DIP2C: variants seen among roughly 807,000 people sequenced by gnomAD.
DIP2C encodes the protein disco-interacting protein 2 homolog C.
DIP2C carries 33 observed loss-of-function variants against 192.4 expected under a neutral mutation model. That is an observed-to-expected ratio of 0.17 (90% CI 0.13 to 0.23). The LOEUF (loss-of-function observed/expected upper bound fraction) is 0.23. DIP2C is among the 10% of genes least tolerant of loss of function. DIP2C has a pLI of 1.00. For missense variants in DIP2C, 1,537 were observed against 2,110.1 expected, an observed-to-expected ratio of 0.73 and a Z score of 5.32; for synonymous variants, 979 against 864.1, an observed-to-expected ratio of 1.13 and a Z score of -2.33.
chr10:556,808 G>T (rs1848900583), intron 1 of DIP2C, among the ~76,000 whole-genome samples: 1 of 152,192 alleles, frequency 6.6e-6, no homozygotes, highest in Non-Finnish European at 1.5e-5. Flanking sequence ...ACAAGTGTGT[G>T]CCTTGAGTCA....
chr10:360,033 T>C (rs1959254530), intron 22 of DIP2C, among the ~76,000 whole-genome samples: 6 of 152,166 alleles, frequency 3.9e-5, no homozygotes, highest in Admixed American at 3.3e-4. Flanking sequence ...TCCCGTAATG[T>C]TTTTAAGAAT....
intron 1 of DIP2C, among the ~76,000 whole-genome samples, chr10:548,653 G>T (rs1848431058): frequency 6.6e-6 from 1 of 151,370 alleles, no homozygotes; most frequent in Admixed American, 6.6e-5. Flanking sequence ...GTGGCCAGAG[G>T]TGATGTGGCC....
At chr10:622,661 C>G (rs1413352288) in intron 1 of DIP2C, among the ~76,000 whole-genome samples, 1 of 152,186 alleles carries the variant, frequency 6.6e-6, no homozygotes, top group Non-Finnish European at 1.5e-5. Context: ...GTCCATTTGA[C>G]TAAATACCCG....
chr10:348,007 G>A (rs115418961), intron 26 of DIP2C, among the ~76,000 whole-genome samples: 1,555 of 123,460 alleles, frequency 0.013, 28 homozygotes, highest in African/African-American at 0.047. Flanking sequence ...TAGCTCTCCC[G>A]GAAACCCCAG....
chr10:346,760 C>A (rs1958496217), intron 26 of DIP2C, among the ~76,000 whole-genome samples: 1 of 126,434 alleles, frequency 7.9e-6, no homozygotes, highest in African/African-American at 3.4e-5. Context: ...GCATAGTTCT[C>A]CCGGAAACGT....
intron 4 of DIP2C, among the ~76,000 whole-genome samples, chr10:434,740 T>C (rs1244115977): frequency 2.6e-5 from 4 of 152,190 alleles, no homozygotes; most frequent in Admixed American, 2.0e-4. Flanking sequence ...TTTCACAGGG[T>C]ATAGACTTCT....
intron 1 of DIP2C, among the ~76,000 whole-genome samples, chr10:530,776 CAAT>C: frequency 6.6e-6 from 1 of 151,884 alleles, no homozygotes; most frequent in Non-Finnish European, 1.5e-5. Flanking sequence ...TCTGTGGCTA[CAAT>C]GAGGCCCAGA....
chr10:657,874 T>A (rs1480879275), intron 1 of DIP2C, among the ~76,000 whole-genome samples: 3 of 89,030 alleles, frequency 3.4e-5, no homozygotes, highest in South Asian at 4.0e-4. Context: ...GCTGGACCTG[T>A]CCCTGGACCT....
intron 29 of DIP2C, among the ~76,000 whole-genome samples, chr10:338,140 G>C (rs1957960743): frequency 6.6e-6 from 1 of 152,134 alleles, no homozygotes; most frequent in South Asian, 2.1e-4. Flanking sequence ...TGTATAATGT[G>C]TTTGTGTTAT....
intron 1 of DIP2C, among the ~76,000 whole-genome samples, chr10:554,532 T>C (rs1848743395): frequency 6.6e-6 from 1 of 152,200 alleles, no homozygotes; most frequent in Non-Finnish European, 1.5e-5. Context: ...TCACAAAACC[T>C]TGGGCTGTGA....
At chr10:351,788 C>T (rs569695062) in intron 24 of DIP2C, among the ~76,000 whole-genome samples, 10 of 152,138 alleles carry the variant, frequency 6.6e-5, no homozygotes, top group Non-Finnish European at 1.2e-4. Context: ...GGCTCCTTGC[C>T]ACCTGTTCAC....
rs922672674 is a variant in DIP2C, at chr10:619,510, A to G, written c.85+69984T>C. Among the ~76,000 whole-genome samples, 13 of 127,774 alleles carry G rather than the reference A, an allele frequency of 1.0e-4. No individual in the cohort carries two copies. In the East Asian group the frequency reaches 2.2e-3, roughly 22 times the overall value. The allele number at this position is 127,774 out of a possible 152,430, so 83.8% of individuals were successfully genotyped here. ...GCAGAATATCGGGAGCACAGGCTTTATGCCAGGGCCAGGACCAAGCCCGCC... is the reference window on the plus strand; with the variant it reads ...GCAGAATATCGGGAGCACAGGCTTTGTGCCAGGGCCAGGACCAAGCCCGCC... On this transcript the variant is annotated intron_variant, in intron 1 of 36. Transcript: ENST00000280886.
chr10:343,332 C>T (rs1235812706), intron 28 of DIP2C, among the ~76,000 whole-genome samples: 1 of 152,164 alleles, frequency 6.6e-6, no homozygotes, highest in Non-Finnish European at 1.5e-5. Context: ...TAGAATGTCA[C>T]CAGAGCTAAA....
At chr10:641,017 G>A (rs150573556) in intron 1 of DIP2C, among the ~76,000 whole-genome samples, 57 of 152,138 alleles carry the variant, frequency 3.7e-4, no homozygotes, top group African/African-American at 1.3e-3. Context: ...AATCAACAAC[G>A]TTAACCCCAT....
intron 1 of DIP2C, among the ~76,000 whole-genome samples, chr10:503,334 A>G (rs1336069060): frequency 6.6e-6 from 1 of 152,260 alleles, no homozygotes; most frequent in Non-Finnish European, 1.5e-5. Flanking sequence ...AAACGTTCCA[A>G]TTTAAAAACT....
intron 1 of DIP2C, chr10:664,091 C>CGCAGGCACCGAGG (rs1856939728): frequency 6.6e-6 from 1 of 151,002 alleles, no homozygotes; most frequent in African/African-American, 2.5e-5. Flanking sequence ...CACTCAGCAC[C>CGCAGGCACCGAGG]GCAGGCACCG....
intron 29 of DIP2C, among the ~76,000 whole-genome samples, chr10:337,611 G>A (rs1410739884): frequency 6.8e-6 from 1 of 146,870 alleles, no homozygotes; most frequent in Non-Finnish European, 1.5e-5. Flanking sequence ...TGGAGGCCTA[G>A]GCAGCTGTGT....
chr10:651,156 C>T lies in DIP2C; in HGVS notation c.85+38338G>A, dbSNP rs568983199. On this transcript the variant is annotated intron_variant, in intron 1 of 36. Transcript: ENST00000280886. This position sits in a 1 kb window ranked among gnomAD's most constrained non-coding sequence, Gnocchi z 4.1. ...TGTCCACTGGGGGCCTCAGGGGCAC[C>T]TCCACCTGCCCAGGTCTGGGACCAC... 2.1e-5 allele frequency: 15 copies of T among 717,520 alleles called. 1 individual carries two copies. The highest frequency in any genetic ancestry group is 1.9e-4 in the African/African-American group (11 of 57,368). 44.4% of individuals were successfully genotyped at this position (717,520 alleles called of 1,614,324 possible). A position where few individuals can be genotyped will look rare whatever the true frequency, so the allele number is the denominator to read the frequency against.
chr10:550,192 TAG>T (rs1848512648), intron 1 of DIP2C, among the ~76,000 whole-genome samples: 1 of 152,056 alleles, frequency 6.6e-6, no homozygotes, highest in Non-Finnish European at 1.5e-5. Flanking sequence ...GTACTTTTAG[TAG>T]AGACAGGATT....
Sources: gnomAD v4.1 joint callset for allele counts (sites outside exome capture counted in the v4.1 genomes callset) on GRCh38, gnomAD v4.1.1 for gene constraint, Gnocchi (gnomAD v3.1) non-coding constraint, MANE v1.5 for transcripts, NCBI Gene and HGNC (gene_info 2026-07-23, HGNC 2026-07-21) for gene names.